FBXO25: variants seen among roughly 807,000 people sequenced by gnomAD.
FBXO25 encodes F-box protein 25.
Under a neutral mutation model 51.9 loss-of-function variants are expected in FBXO25, and 45 were observed. That is an observed-to-expected ratio of 0.87 (90% CI 0.68 to 1.11). FBXO25 has a LOEUF of 1.11. FBXO25 is among the 50% of genes most tolerant of loss of function. FBXO25 has a pLI of 0.00. For synonymous variants in FBXO25, 199 were observed against 151.0 expected (o/e 1.32, Z -2.33); for missense variants, 507 against 428.5 (o/e 1.18, Z -1.62).
chr8:441,179 T>A, intron 5 of FBXO25, among the ~76,000 whole-genome samples: 1 of 151,924 alleles, frequency 6.6e-6, no homozygotes, highest in East Asian at 1.9e-4. Context: ...TATAGACCAA[T>A]GGAACAGAAC....
intron 9 of FBXO25, chr8:468,013 C>T (rs1322723514): frequency 1.5e-6 from 2 of 1,313,428 alleles, no homozygotes; most frequent in Non-Finnish European, 1.9e-6. Context: ...CCACACAGCA[C>T]CTGGTTTGGC....
chr8:469,813 G>C lies in FBXO25; in HGVS notation c.*1009G>C, dbSNP rs913875796. The C allele has an allele frequency of 5.3e-5, 8 of 152,088 alleles. No homozygotes were observed. The highest frequency in any genetic ancestry group is 1.9e-4 in the African/African-American group (8 of 41,404). The allele number at this position is 152,088 out of a possible 1,614,324, so 9.4% of individuals were successfully genotyped here. ...TTTTGAATAGGGTCAAGGAGCCCAAGCAAATCATTTCTACTTTTTCCTTTA... is the reference window on the plus strand; with the variant it reads ...TTTTGAATAGGGTCAAGGAGCCCAACCAAATCATTTCTACTTTTTCCTTTA... On this transcript the variant is annotated 3_prime_UTR_variant, in exon 10 of 10. Coordinates refer to ENST00000350302, the MANE Select transcript of FBXO25 (RefSeq NM_183420.2).
chr8:421,274 C>T (rs138667796), intron 2 of FBXO25, among the ~76,000 whole-genome samples: 1 of 152,224 alleles, frequency 6.6e-6, no homozygotes, highest in Admixed American at 6.5e-5. Flanking sequence ...AACCATCCCC[C>T]CTCCTCGCCC....
intron 2 of FBXO25, among the ~76,000 whole-genome samples, chr8:416,529 A>G (rs1796811814): frequency 6.6e-6 from 1 of 152,156 alleles, no homozygotes; most frequent in African/African-American, 2.4e-5. Context: ...CCAGGGGTAG[A>G]GTCATAGGGA....
chr8:409,510 A>T (rs1014398712), intron 1 of FBXO25, among the ~76,000 whole-genome samples: 1 of 152,172 alleles, frequency 6.6e-6, no homozygotes, highest in Admixed American at 6.5e-5. Flanking sequence ...GTTGTAAAAG[A>T]ATTGGTTATA....
intron 2 of FBXO25, among the ~76,000 whole-genome samples, chr8:423,034 T>C (rs1797247321): frequency 2.0e-5 from 3 of 152,186 alleles, no homozygotes; most frequent in Admixed American, 2.0e-4. Context: ...TCTGTTTGTG[T>C]CTTTGTGCAG....
chr8:464,296 C>G (rs1379875112), intron 9 of FBXO25, among the ~76,000 whole-genome samples: 1 of 152,156 alleles, frequency 6.6e-6, no homozygotes, highest in African/African-American at 2.4e-5. Flanking sequence ...TTATTTCACC[C>G]TGGAGTGTGT....
At position 432,945 on chromosome 8, in the gene FBXO25, C is replaced by G. The variant is rs1166048846; in HGVS notation, c.288+10C>G. Reference sequence around the variant, plus strand: ...AGAAAGCACAAAGGAAGTAAGTATTCTATTATAAATATGAGAGTATCTTGT... The same window carrying G: ...AGAAAGCACAAAGGAAGTAAGTATTGTATTATAAATATGAGAGTATCTTGT... On this transcript the variant is annotated intron_variant, in intron 4 of 9. Transcript: ENST00000350302. The G allele has an allele frequency of 1.3e-6, 2 of 1,551,516 alleles. No homozygotes were observed. The highest frequency in any genetic ancestry group is 2.3e-4 in the Middle Eastern group (1 of 4,264).
chr8:418,127 G>T (rs984619402), intron 2 of FBXO25, among the ~76,000 whole-genome samples: 2 of 152,108 alleles, frequency 1.3e-5, no homozygotes, highest in Admixed American at 1.3e-4. Context: ...AAATGCATCT[G>T]TGTGCCTTGT....
At chr8:418,333 C>CTTTTTTTTTTTTTTTTT (rs1207244013) in intron 2 of FBXO25, among the ~76,000 whole-genome samples, 6 of 72,340 alleles carry the variant, frequency 8.3e-5, no homozygotes, top group Non-Finnish European at 1.3e-4. Context: ...TTTGTTTGTT[C>CTTTTTTTTTTTTTTTTT]TTTTTTTTTT....
chr8:439,234 C>G lies in FBXO25; in HGVS notation c.381+3527C>G, dbSNP rs185394839. The stretch of plus-strand genomic sequence containing the variant: ...TGCTTATAGCACTGAGAAGAACAGC[C>G]TGCCCCCTCGCCCCTCTGGCAGCCA... On this transcript the variant is annotated intron_variant, in intron 5 of 9. Coordinates refer to ENST00000350302, the MANE Select transcript of FBXO25 (RefSeq NM_183420.2). 5.9e-5 allele frequency among the ~76,000 whole-genome samples: 9 copies of G among 152,322 alleles called. 1 individual carries two copies. The highest frequency in any genetic ancestry group is 9.6e-5 in the African/African-American group (4 of 41,568).
chr8:427,370 C>T (rs202187151), intron 2 of FBXO25, among the ~76,000 whole-genome samples: 7,343 of 147,104 alleles, frequency 0.05, 95 homozygotes, highest in South Asian at 0.1. Context: ...TTATCACAGT[C>T]TGCATGTTAT....
At chr8:416,351 C>G (rs567148037) in intron 2 of FBXO25, among the ~76,000 whole-genome samples, 58 of 152,380 alleles carry the variant, frequency 3.8e-4, no homozygotes, top group African/African-American at 1.3e-3. Flanking sequence ...AGCCATCAGA[C>G]TTTTTCTCAG....
At chr8:426,144 A>C (rs1211828666) in intron 2 of FBXO25, among the ~76,000 whole-genome samples, 5 of 152,132 alleles carry the variant, frequency 3.3e-5, no homozygotes, top group South Asian at 2.1e-4. Context: ...CAGATAAATA[A>C]AGACCACCCT....
chr8:439,750 C>T (rs944155445), intron 5 of FBXO25, among the ~76,000 whole-genome samples: 4 of 152,166 alleles, frequency 2.6e-5, no homozygotes, highest in African/African-American at 9.7e-5. Flanking sequence ...ACTCCTGCTT[C>T]TCAGTATCCC....
Position 468,963 on chromosome 8 carries a change from G to T in FBXO25, c.*159G>T, listed in dbSNP as rs994553944. ...TCTGCAAAGGGGGGACTGCATGGTTGCATTTTCATCACTGAAAGTCAGAGG... is the reference window on the plus strand; with the variant it reads ...TCTGCAAAGGGGGGACTGCATGGTTTCATTTTCATCACTGAAAGTCAGAGG... On this transcript the variant is annotated 3_prime_UTR_variant, in exon 10 of 10. Coordinates refer to ENST00000350302, the MANE Select transcript of FBXO25 (RefSeq NM_183420.2). 6.7e-6 allele frequency: 4 copies of T among 596,312 alleles called. No individual in the cohort carries two copies. Among genetic ancestry groups the T allele is most frequent in the Non-Finnish European group, 1.1e-5 (4 of 350,560 alleles). The allele number at this position is 596,312 out of a possible 1,614,324, so 36.9% of individuals were successfully genotyped here. A position where few individuals can be genotyped will look rare whatever the true frequency, so the allele number is the denominator to read the frequency against.
At chr8:435,169 C>T (rs1036229395) in intron 4 of FBXO25, among the ~76,000 whole-genome samples, 22 of 152,156 alleles carry the variant, frequency 1.4e-4, no homozygotes, top group Non-Finnish European at 4.4e-5. Flanking sequence ...GTGCATGCCT[C>T]CCCTGCAGAG....
At chr8:414,223 G>T (rs1452959062) in intron 2 of FBXO25, among the ~76,000 whole-genome samples, 2 of 152,178 alleles carry the variant, frequency 1.3e-5, no homozygotes, top group East Asian at 3.8e-4. Context: ...ACGCTAAGAT[G>T]TATTTAATGT....
At chr8:414,896 G>T (rs548875889) in intron 2 of FBXO25, among the ~76,000 whole-genome samples, 10 of 152,128 alleles carry the variant, frequency 6.6e-5, no homozygotes, top group Non-Finnish European at 1.2e-4. Flanking sequence ...CTGCCATTTC[G>T]TTCATCTTCC....
Sources: allele counts gnomAD v4.1 joint callset (sites outside exome capture counted in the v4.1 genomes callset), GRCh38; gene constraint gnomAD v4.1.1; transcripts MANE v1.5; gene names NCBI Gene and HGNC (gene_info 2026-07-23, HGNC 2026-07-21).